The following NYX variants were observed in gnomAD, a reference collection of about 807,000 sequenced individuals.
NYX encodes the protein nyctalopin, also known as leucine-rich repeat protein.
For synonymous variants in NYX, 258 were observed against 245.7 expected (o/e 1.05, Z -0.47); for missense variants, 481 against 485.4 (o/e 0.99, Z 0.09).
intron 2 of NYX, among the ~76,000 whole-genome samples, chrX:41,455,831 C>T (rs1277772456): frequency 2.7e-5 from 3 of 111,866 alleles, no homozygotes; most frequent in Non-Finnish European, 5.6e-5. Flanking sequence ...CCATGGAACC[C>T]AGCTCTGAAT....
intron 2 of NYX, among the ~76,000 whole-genome samples, chrX:41,471,682 A>C (rs1358247964): frequency 9.1e-6 from 1 of 110,416 alleles, no homozygotes; most frequent in Non-Finnish European, 1.9e-5. Context: ...ACCCCCAGTA[A>C]AACTTGTTTA....
At chrX:41,454,603 G>T (rs1179926635) in intron 2 of NYX, among the ~76,000 whole-genome samples, 1 of 106,704 alleles carries the variant, frequency 9.4e-6, no homozygotes, top group Non-Finnish European at 1.9e-5. Flanking sequence ...GAGCCACTGC[G>T]CCCGGCTGAT....
intron 2 of NYX, among the ~76,000 whole-genome samples, chrX:41,452,889 C>T (rs1018159956): frequency 8.9e-6 from 1 of 111,777 alleles, no homozygotes; most frequent in African/African-American, 3.2e-5. Flanking sequence ...GCATGGTCTC[C>T]GCCTCCGCAC....
rs2064388844 is a variant in NYX, at chrX:41,475,581, G to C, written c.*682G>C. The C allele has an allele frequency of 9.0e-6, 1 of 111,263 alleles. No individual in the cohort carries two copies. The highest frequency in any genetic ancestry group is 3.3e-5 in the African/African-American group (1 of 30,539). 9.2% of individuals were successfully genotyped at this position (111,263 alleles called of 1,213,427 possible). ...GGTAGGGAAAAAAGGGGCAGCAGGG[G>C]GTGTGTTTGTGGACAAATAAATTTG... is the stretch of plus-strand genomic sequence containing the variant. On this transcript the variant is annotated 3_prime_UTR_variant, in exon 3 of 3. Coordinates refer to ENST00000378220, the MANE Select transcript of NYX (RefSeq NM_001378477.3).
At position 41,460,876 on chromosome X, in the gene NYX, A is replaced by ATTCTTTTT. The variant is rs1335308569; in HGVS notation, c.23-12613_23-12612insCTTTTTTT. ...ATGTAAGCGGAGTCACACAGTATGT[A>ATTCTTTTT]TTTTTTTTTTTTTTTTTTTTTTTTT... On this transcript the variant is annotated intron_variant, in intron 2 of 2. Coordinates refer to ENST00000378220, the MANE Select transcript of NYX (RefSeq NM_001378477.3). Among the ~76,000 whole-genome samples, 109 of 24,774 alleles carry ATTCTTTTT rather than the reference A, an allele frequency of 4.4e-3. 16 individuals carry two copies. The highest frequency in any genetic ancestry group is 0.015 in the South Asian group (3 of 195). 21.5% of individuals were successfully genotyped at this position (24,774 alleles called of 115,157 possible). A position where few individuals can be genotyped will look rare whatever the true frequency, so the allele number is the denominator to read the frequency against.
chrX:41,450,472 T>G (rs1357877945), intron 2 of NYX, among the ~76,000 whole-genome samples: 8 of 110,289 alleles, frequency 7.3e-5, no homozygotes, highest in Non-Finnish European at 3.8e-5. Context: ...GGTTTCACCA[T>G]GTTGGCCAGG....
chrX:41,472,519 G>A, intron 2 of NYX: 3 of 620,540 alleles, frequency 4.8e-6, no homozygotes, highest in Non-Finnish European at 8.0e-6. Context: ...CTTGAGCTAT[G>A]GAACACTCCT....
chrX:41,448,019 C>A, intron 2 of NYX, 93 bp downstream of exon 2: 1 of 880,920 alleles, frequency 1.1e-6, no homozygotes, highest in Non-Finnish European at 1.7e-6. Context: ...GCTTCTGGGA[C>A]AGCGGTATCT....
intron 2 of NYX, among the ~76,000 whole-genome samples, chrX:41,461,382 C>CATAT (rs60185443): frequency 0.049 from 5,014 of 101,362 alleles, 190 homozygotes; most frequent in African/African-American, 0.11. Context: ...AATATTCCGT[C>CATAT]ATATATATAT....
chrX:41,447,547 G>A (rs1054982805), intron 1 of NYX, 31 bp downstream of exon 1: 2 of 295,924 alleles, frequency 6.8e-6, no homozygotes, highest in Non-Finnish European at 1.2e-5. Flanking sequence ...ATTCACTAAC[G>A]CTTCTCTGCA....
chrX:41,449,451 A>G (rs2064271150), intron 2 of NYX, among the ~76,000 whole-genome samples: 1 of 111,849 alleles, frequency 8.9e-6, no homozygotes, highest in South Asian at 3.7e-4. Context: ...GCAATAAAAA[A>G]AATTGGAGCA....
intron 2 of NYX, among the ~76,000 whole-genome samples, chrX:41,450,013 G>A (rs2064273058): frequency 9.0e-6 from 1 of 110,834 alleles, no homozygotes; most frequent in African/African-American, 3.3e-5. Context: ...ACAACACCTT[G>A]GAGAAATCAG....
At chrX:41,470,694 CAAAAAA>C (rs554668854) in intron 2 of NYX, among the ~76,000 whole-genome samples, 1 of 57,377 alleles carries the variant, frequency 1.7e-5, no homozygotes, top group Non-Finnish European at 3.1e-5. Flanking sequence ...GACTCTGTCT[CAAAAAA>C]AAAAAAAAAA....
chrX:41,452,138 A>G (rs964158547), intron 2 of NYX, among the ~76,000 whole-genome samples: 1 of 109,709 alleles, frequency 9.1e-6, no homozygotes. Context: ...TGCCTGGCTA[A>G]TTTTTGTTTT....
At chrX:41,450,520 C>T (rs1233705117) in intron 2 of NYX, among the ~76,000 whole-genome samples, 2 of 110,377 alleles carry the variant, frequency 1.8e-5, no homozygotes, top group Non-Finnish European at 1.9e-5. Flanking sequence ...ATCTGCCTGC[C>T]TTGGCCTTCC....
Position 41,473,738 on chromosome X carries a change from C to G in NYX, c.270C>G (p.His90Gln). Residue 90 changes from histidine to glutamine, a missense_variant, in exon 3 of 3, where the codon CAC becomes CAG. His to Gln is a conservative substitution (Grantham distance 24). Transcript: ENST00000378220. ...CCTTGCGCCGCCTGTCGCTGCGCCA[C>G]AACAACCTGTCCTTCATCACGCCCG... is the stretch of plus-strand genomic sequence containing the variant. ...LPSLRRLSLR[H>Q]NNLSFITPGA... 8.6e-7 allele frequency: 1 copy of G among 1,159,180 alleles called. No individual in the cohort carries two copies.
chrX:41,472,194 T>A (rs2064363547), intron 2 of NYX: 1 of 590,461 alleles, frequency 1.7e-6, no homozygotes, highest in East Asian at 3.5e-5. Context: ...AGTTCCTGGC[T>A]CGGGAACATT....
intron 2 of NYX, among the ~76,000 whole-genome samples, chrX:41,469,961 C>G (rs2064353198): frequency 9.0e-6 from 1 of 110,933 alleles, no homozygotes; most frequent in South Asian, 3.8e-4. Flanking sequence ...AACTTACTCT[C>G]CCATGATGAT....
chrX:41,453,397 C>A (rs1353455026), intron 2 of NYX, among the ~76,000 whole-genome samples: 1 of 111,442 alleles, frequency 9.0e-6, no homozygotes, highest in Non-Finnish European at 1.9e-5. Context: ...TTTTAAAAAA[C>A]TGAAGGAAAA....
Sources: allele counts gnomAD v4.1 joint callset (sites outside exome capture counted in the v4.1 genomes callset), GRCh38; gene constraint gnomAD v4.1.1; transcripts MANE v1.5; gene names NCBI Gene and HGNC (gene_info 2026-07-23, HGNC 2026-07-21).